TACR1: variants seen among roughly 807,000 people sequenced by gnomAD.
TACR1 encodes tachykinin receptor 1, also known as substance-P receptor.
Under a neutral mutation model 35.8 loss-of-function variants are expected in TACR1, and 25 were observed. That is an observed-to-expected ratio of 0.70 (90% CI 0.51 to 0.98). TACR1 has a LOEUF of 0.98. TACR1 is among the 50% of genes least tolerant of loss of function. The pLI, the probability that TACR1 is intolerant of heterozygous loss-of-function variation, is 0.00. For synonymous variants in TACR1, 195 were observed against 206.7 expected (o/e 0.94, Z 0.48); for missense variants, 478 against 522.9 (o/e 0.91, Z 0.84).
intron 1 of TACR1, among the ~76,000 whole-genome samples, chr2:75,143,205 T>C (rs1458748541): frequency 6.6e-6 from 1 of 152,152 alleles, no homozygotes; most frequent in African/African-American, 2.4e-5. Context: ...AGAGAAAAGG[T>C]AGAAAGCAGG....
At position 75,124,072 on chromosome 2, in the gene TACR1, G is replaced by C. The variant is rs185412441; in HGVS notation, c.390-3304C>G. Among the ~76,000 whole-genome samples the C allele has an allele frequency of 7.3e-4, 111 of 152,302 alleles. 1 individual carries two copies. The highest frequency in any genetic ancestry group is 3.4e-3 in the Middle Eastern group (1 of 294). On this transcript the variant is annotated intron_variant, in intron 1 of 4. Transcript: ENST00000305249. Reference sequence around the variant, plus strand: ...AAGCATTAATCATTAGGCTGCCAGCGACAGGGATCTGGAGGCGTGTGGGAT... The same window carrying C: ...AAGCATTAATCATTAGGCTGCCAGCCACAGGGATCTGGAGGCGTGTGGGAT...
At chr2:75,106,891 CCAACTATAA>C (rs1007227068) in intron 2 of TACR1, among the ~76,000 whole-genome samples, 35 of 151,452 alleles carry the variant, frequency 2.3e-4, no homozygotes, top group African/African-American at 8.0e-4. Flanking sequence ...TGAAAGAAGA[CCAACTATAA>C]CAATATATAT....
intron 2 of TACR1, among the ~76,000 whole-genome samples, chr2:75,088,024 T>G (rs1462506566): frequency 6.6e-6 from 1 of 152,124 alleles, no homozygotes; most frequent in Non-Finnish European, 1.5e-5. Context: ...TCATCTGTAG[T>G]CCCCCCATGT....
At chr2:75,168,631 G>A (rs888642473) in intron 1 of TACR1, among the ~76,000 whole-genome samples, 2 of 152,152 alleles carry the variant, frequency 1.3e-5, no homozygotes, top group Non-Finnish European at 2.9e-5. Flanking sequence ...GATCTGTGGC[G>A]GACTTCTCCC....
At chr2:75,064,946 C>G in intron 2 of TACR1, among the ~76,000 whole-genome samples, 1 of 152,126 alleles carries the variant, frequency 6.6e-6, no homozygotes, top group Admixed American at 6.5e-5. Flanking sequence ...GAGAGGGAGA[C>G]CCTGCCTCAG....
intron 2 of TACR1, among the ~76,000 whole-genome samples, chr2:75,083,782 C>T (rs943626743): frequency 3.6e-4 from 55 of 152,178 alleles, no homozygotes; most frequent in Admixed American, 1.3e-4. Flanking sequence ...ATTTTGCATC[C>T]TGAGACTTTG....
chr2:75,066,836 T>A (rs1470538363), intron 2 of TACR1, among the ~76,000 whole-genome samples: 1 of 152,246 alleles, frequency 6.6e-6, no homozygotes, highest in African/African-American at 2.4e-5. Flanking sequence ...ACTACATTAA[T>A]CAATTTGAAG....
At chr2:75,143,306 G>A (rs1466270789) in intron 1 of TACR1, among the ~76,000 whole-genome samples, 3 of 152,126 alleles carry the variant, frequency 2.0e-5, no homozygotes, top group African/African-American at 7.2e-5. Context: ...TTTTGACCAT[G>A]TTTTCTTTTC....
At chr2:75,098,769 T>C (rs1673472472) in intron 2 of TACR1, among the ~76,000 whole-genome samples, 1 of 152,182 alleles carries the variant, frequency 6.6e-6, no homozygotes, top group African/African-American at 2.4e-5. Context: ...ACTCTCCTGC[T>C]CTGCCTTTGG....
intron 1 of TACR1, among the ~76,000 whole-genome samples, chr2:75,126,884 GA>G (rs1412753032): frequency 6.6e-6 from 1 of 152,080 alleles, no homozygotes; most frequent in East Asian, 1.9e-4. Context: ...GCAAGCATAT[GA>G]AAAAAATCTC....
chr2:75,136,035 T>C (rs915292121), intron 1 of TACR1, among the ~76,000 whole-genome samples: 2 of 152,194 alleles, frequency 1.3e-5, no homozygotes, highest in African/African-American at 4.8e-5. Context: ...GCAGCACAGA[T>C]TGTGAATGTC....
chr2:75,150,049 G>A (rs1674636693), intron 1 of TACR1, among the ~76,000 whole-genome samples: 1 of 152,146 alleles, frequency 6.6e-6, no homozygotes, highest in Admixed American at 6.6e-5. Context: ...TGCTTTTATT[G>A]ATTTGCATAT....
chr2:75,175,821 G>A (rs1406423307), intron 1 of TACR1, among the ~76,000 whole-genome samples: 3 of 152,054 alleles, frequency 2.0e-5, no homozygotes, highest in Non-Finnish European at 2.9e-5. Context: ...AGACATCCTT[G>A]GGAAGGCATT....
chr2:75,198,022 A>G (rs544809578), intron 1 of TACR1, among the ~76,000 whole-genome samples: 1 of 152,310 alleles, frequency 6.6e-6, no homozygotes, highest in African/African-American at 2.4e-5. Flanking sequence ...CCAAACAACA[A>G]CAACAACTAC....
chr2:75,120,447 A>G (rs969132072), intron 2 of TACR1, 127 bp downstream of exon 2: 18 of 849,240 alleles, frequency 2.1e-5, no homozygotes, highest in Non-Finnish European at 3.0e-5. Flanking sequence ...TATATGTGAG[A>G]AATGCTTGCA....
intron 1 of TACR1, among the ~76,000 whole-genome samples, chr2:75,166,510 T>C (rs964557271): frequency 2.6e-5 from 4 of 152,378 alleles, no homozygotes; most frequent in Non-Finnish European, 2.9e-5. Context: ...GGCCAATCAA[T>C]CAGCGCTCCT....
intron 1 of TACR1, among the ~76,000 whole-genome samples, chr2:75,185,537 A>G (rs1305726854): frequency 6.6e-6 from 1 of 152,188 alleles, no homozygotes; most frequent in African/African-American, 2.4e-5. Flanking sequence ...TTAAAAATTA[A>G]GATTTAAATT....
intron 1 of TACR1, among the ~76,000 whole-genome samples, chr2:75,175,237 G>A (rs897152640): frequency 1.3e-5 from 2 of 152,174 alleles, no homozygotes; most frequent in Admixed American, 1.3e-4. Flanking sequence ...AACGCTAGAT[G>A]TCCTGCAGTG....
intron 1 of TACR1, among the ~76,000 whole-genome samples, chr2:75,197,994 A>G (rs189866789): frequency 4.1e-4 from 63 of 152,284 alleles, no homozygotes; most frequent in African/African-American, 1.5e-3. Flanking sequence ...AACAAACACA[A>G]ACCAACGAAC....
Sources: gnomAD v4.1 joint callset for allele counts (sites outside exome capture counted in the v4.1 genomes callset) on GRCh38, gnomAD v4.1.1 for gene constraint, MANE v1.5 for transcripts, NCBI Gene and HGNC (gene_info 2026-07-23, HGNC 2026-07-21) for gene names.